FRMPD4: variants seen among roughly 807,000 people sequenced by gnomAD.
The protein encoded by FRMPD4 is FERM and PDZ domain containing 4.
FRMPD4 carries 22 observed loss-of-function variants against 94.1 expected under a neutral mutation model. That is an observed-to-expected ratio of 0.23 (90% confidence interval 0.17 to 0.33). The LOEUF (loss-of-function observed/expected upper bound fraction) is 0.33. Ranked by LOEUF, FRMPD4 falls within the 10% of genes least tolerant of loss-of-function variation. The probability of loss-of-function intolerance (pLI) is 1.00; values close to 1 mark genes in which losing one functional copy is unlikely to be tolerated. For missense variants in FRMPD4, 1,111 were observed against 1,339.9 expected (o/e 0.83, Z 2.67); for synonymous variants, 631 against 548.6 (o/e 1.15, Z -2.10).
At chrX:12,061,639 A>C (rs751134255) in intron 3 of FRMPD4, among the ~76,000 whole-genome samples, 2 of 112,222 alleles carry the variant, frequency 1.8e-5, no homozygotes, top group African/African-American at 6.5e-5. Context: ...TGTTTAATTT[A>C]TGATTGCCAC....
chrX:12,566,143 TCTACAGAATGTCTGG>T (rs2058709625), intron 2 of FRMPD4, among the ~76,000 whole-genome samples: 1 of 111,622 alleles, frequency 9.0e-6, no homozygotes, highest in Admixed American at 9.5e-5. Context: ...CCCAGTGTCT[TCTACAGAATGTCTGG>T]CTACAGAAAC....
chrX:12,703,476 T>C (rs1261609877), intron 10 of FRMPD4, among the ~76,000 whole-genome samples: 3 of 111,783 alleles, frequency 2.7e-5, no homozygotes, highest in Non-Finnish European at 5.6e-5. Flanking sequence ...GGGGGTAGGT[T>C]GTCTTCCTAC....
At chrX:12,288,920 G>C (rs1324741272) in intron 1 of FRMPD4, among the ~76,000 whole-genome samples, 1 of 112,051 alleles carries the variant, frequency 8.9e-6, no homozygotes, top group Non-Finnish European at 1.9e-5. Flanking sequence ...GGAAGGCATG[G>C]GCACACAGGT....
At chrX:12,347,394 T>C (rs947509693) in intron 1 of FRMPD4, among the ~76,000 whole-genome samples, 22 of 110,276 alleles carry the variant, frequency 2.0e-4, no homozygotes, top group Non-Finnish European at 3.8e-4. Context: ...CACACCACCA[T>C]GCTGGGCTAA....
chrX:12,461,601 T>C (rs886075374), intron 1 of FRMPD4, among the ~76,000 whole-genome samples: 23 of 112,215 alleles, frequency 2.0e-4, no homozygotes, highest in Non-Finnish European at 7.5e-5. Context: ...TGTCCTGTGT[T>C]GTACATATGG....
chrX:12,318,346 T>A (rs899384859), intron 1 of FRMPD4, among the ~76,000 whole-genome samples: 4 of 111,845 alleles, frequency 3.6e-5, no homozygotes, highest in African/African-American at 1.3e-4. Context: ...GGCAACACAG[T>A]GAGACACTGT....
chrX:12,229,681 G>A (rs979253368), intron 1 of FRMPD4, among the ~76,000 whole-genome samples: 2 of 111,287 alleles, frequency 1.8e-5, no homozygotes, highest in African/African-American at 3.3e-5. Flanking sequence ...TCTCCCAGGC[G>A]TCCATCATAA....
chrX:11,883,648 G>A (rs925996177), intron 3 of FRMPD4, among the ~76,000 whole-genome samples: 3 of 111,894 alleles, frequency 2.7e-5, no homozygotes, highest in African/African-American at 9.8e-5. Flanking sequence ...ATTCTAGGCT[G>A]CTAAGGAGAT....
At position 12,053,430 on chromosome X, in the gene FRMPD4, GAGAAAGAA is replaced by G. The variant is rs1407971994; in HGVS notation, c.95+175417_95+175424del. 2.9e-3 allele frequency among the ~76,000 whole-genome samples: 244 copies of G among 83,556 alleles called. 2 individuals are homozygous for G. The highest frequency in any genetic ancestry group is 0.022 in the East Asian group (50 of 2,310). The allele number at this position is 83,556 out of a possible 115,157, so 72.6% of individuals were successfully genotyped here. On this transcript the variant is annotated intron_variant, in intron 3 of 18. Transcript: ENST00000640291. ...AGAAAGAAAGAAAGAAAGAAAGAAA[GAGAAAGAA>G]AGAAGAGAAGAGAAGAGAGGAAAGG...
chrX:12,603,760 A>G (rs2059105311), intron 2 of FRMPD4, among the ~76,000 whole-genome samples: 1 of 110,339 alleles, frequency 9.1e-6, no homozygotes, highest in Non-Finnish European at 1.9e-5. Flanking sequence ...AGGTAAAAAA[A>G]AAATGTTGCT....
chrX:12,688,321 C>G (rs1013350832), intron 7 of FRMPD4, among the ~76,000 whole-genome samples: 1 of 112,087 alleles, frequency 8.9e-6, no homozygotes, highest in African/African-American at 3.2e-5. Flanking sequence ...AGAAATAAAT[C>G]TAAATTGAAG....
chrX:12,269,291 T>C (rs1168463115), intron 1 of FRMPD4, among the ~76,000 whole-genome samples: 2 of 110,633 alleles, frequency 1.8e-5, no homozygotes, highest in South Asian at 3.9e-4. Flanking sequence ...GCTTGGCTCA[T>C]TGGGTGATTT....
At chrX:11,953,621 G>A (rs769022630) in intron 3 of FRMPD4, among the ~76,000 whole-genome samples, 1 of 111,822 alleles carries the variant, frequency 8.9e-6, no homozygotes, top group East Asian at 2.8e-4. Flanking sequence ...AGATCTGCAA[G>A]CACCGCAAAG....
chrX:12,196,010 A>G (rs748653307), intron 1 of FRMPD4, among the ~76,000 whole-genome samples: 1 of 111,902 alleles, frequency 8.9e-6, no homozygotes, highest in East Asian at 2.8e-4. Flanking sequence ...TCTTGTGTGT[A>G]AATTAGAAGT....
At chrX:12,423,013 T>A (rs757093102) in intron 1 of FRMPD4, among the ~76,000 whole-genome samples, 1 of 111,305 alleles carries the variant, frequency 9.0e-6, no homozygotes, top group African/African-American at 3.3e-5. Flanking sequence ...TCTTGACAGC[T>A]GGGTATTTCA....
intron 3 of FRMPD4, among the ~76,000 whole-genome samples, chrX:11,977,938 T>A (rs2054375380): frequency 9.0e-6 from 1 of 110,589 alleles, no homozygotes; most frequent in Non-Finnish European, 1.9e-5. Context: ...CAGACTTAAA[T>A]TCTGTGTTGA....
chrX:12,316,208 A>T (rs994084150), intron 1 of FRMPD4, among the ~76,000 whole-genome samples: 2 of 111,314 alleles, frequency 1.8e-5, no homozygotes, highest in Non-Finnish European at 3.8e-5. Flanking sequence ...GTTCAGTGGC[A>T]CGATCTCAGC....
At chrX:12,525,665 A>T (rs1204321456) in intron 2 of FRMPD4, among the ~76,000 whole-genome samples, 1 of 112,536 alleles carries the variant, frequency 8.9e-6, no homozygotes, top group African/African-American at 3.2e-5. Flanking sequence ...TCTTAAGTAG[A>T]TACCTGGGAG....
intron 1 of FRMPD4, among the ~76,000 whole-genome samples, chrX:12,249,856 C>T (rs1415649628): frequency 9.0e-6 from 1 of 111,185 alleles, no homozygotes; most frequent in African/African-American, 3.3e-5. Context: ...AAAAAAATCC[C>T]AACCTAGTCT....
Sources: gnomAD v4.1 joint callset for allele counts (sites outside exome capture counted in the v4.1 genomes callset) on GRCh38, gnomAD v4.1.1 for gene constraint, MANE v1.5 for transcripts, NCBI Gene and HGNC (gene_info 2026-07-23, HGNC 2026-07-21) for gene names.